Variants in CACNA1C observed in about 807,000 individuals in gnomAD.
CACNA1C encodes voltage-dependent L-type calcium channel subunit alpha-1C.
Under a neutral mutation model 229.0 loss-of-function variants are expected in CACNA1C, and 30 were observed. The ratio of observed to expected loss-of-function variants is 0.13; its 90% CI spans 0.10 to 0.18. CACNA1C has a LOEUF of 0.18. Ranked by LOEUF, CACNA1C falls within the 10% of genes least tolerant of loss-of-function variation. The pLI is 1.00. For missense variants in CACNA1C, 1,658 were observed against 2,845.0 expected (o/e 0.58, Z 9.49); for synonymous variants, 1,114 against 1,132.5 (o/e 0.98, Z 0.33).
intron 3 of CACNA1C, among the ~76,000 whole-genome samples, chr12:2,326,835 A>G (rs2096319762): frequency 6.6e-6 from 1 of 152,202 alleles, no homozygotes; most frequent in Admixed American, 6.5e-5. Context: ...TACCTGAGAG[A>G]CGATCTGGTT....
intron 3 of CACNA1C, among the ~76,000 whole-genome samples, chr12:2,217,135 TAAATA>T (rs959752941): frequency 9.9e-5 from 15 of 152,216 alleles, no homozygotes; most frequent in Non-Finnish European, 1.5e-4. Context: ...AACATTATGC[TAAATA>T]AAATAAGCCA....
intron 1 of CACNA1C, chr12:2,020,197 T>C (rs775667144): frequency 6.6e-4 from 100 of 152,246 alleles, no homozygotes; most frequent in African/African-American, 2.4e-3. Flanking sequence ...CACTGAGGAC[T>C]ACTTATGTGC....
intron 3 of CACNA1C, among the ~76,000 whole-genome samples, chr12:2,444,362 A>G (rs1024135577): frequency 1.3e-5 from 2 of 152,174 alleles, no homozygotes; most frequent in Non-Finnish European, 2.9e-5. Flanking sequence ...TGATTTTAAG[A>G]GAGGTCCTGT....
intron 3 of CACNA1C, among the ~76,000 whole-genome samples, chr12:2,363,577 G>A (rs1024450059): frequency 6.6e-6 from 1 of 152,226 alleles, no homozygotes; most frequent in Admixed American, 6.5e-5. Context: ...CTTCCACAGT[G>A]CCCACCCCAC....
chr12:2,648,733 G>A (rs895585816), intron 31 of CACNA1C, among the ~76,000 whole-genome samples: 2 of 152,186 alleles, frequency 1.3e-5, no homozygotes, highest in African/African-American at 4.8e-5. Flanking sequence ...CCTTGGGGTG[G>A]TAATTCACTG....
intron 5 of CACNA1C, among the ~76,000 whole-genome samples, chr12:2,459,428 G>A (rs985955918): frequency 6.6e-6 from 1 of 152,076 alleles, no homozygotes; most frequent in Non-Finnish European, 1.5e-5. Context: ...ATAAGCAAAG[G>A]GAACTTACTG....
intron 3 of CACNA1C, among the ~76,000 whole-genome samples, chr12:2,384,098 C>G (rs191912494): frequency 1.3e-5 from 2 of 152,354 alleles, no homozygotes; most frequent in Admixed American, 1.3e-4. Flanking sequence ...TCCAGACAAG[C>G]TGCCTTCCTT....
chr12:2,206,229 G>C (rs548850235), intron 3 of CACNA1C, among the ~76,000 whole-genome samples: 1 of 152,304 alleles, frequency 6.6e-6, no homozygotes, highest in East Asian at 1.9e-4. Context: ...CCAGCCCTTG[G>C]AAGGAGATCC....
intron 9 of CACNA1C, 132 bp downstream of exon 9, chr12:2,513,116 C>G: frequency 1.7e-6 from 1 of 596,960 alleles, no homozygotes; most frequent in Non-Finnish European, 2.9e-6. Context: ...CAGCAGTTAT[C>G]TCACTGATGG....
At chr12:2,614,481 G>A (rs2079435524) in intron 29 of CACNA1C, 1 of 152,200 alleles carries the variant, frequency 6.6e-6, no homozygotes, top group Non-Finnish European at 1.5e-5. Context: ...ATAGACTCCA[G>A]GTAAAGCAGC....
intron 3 of CACNA1C, among the ~76,000 whole-genome samples, chr12:2,374,389 G>A (rs1216383649): frequency 2.0e-5 from 3 of 152,218 alleles, no homozygotes; most frequent in African/African-American, 4.8e-5. Context: ...GCCTCCCTAA[G>A]CCCTGCTTAT....
intron 3 of CACNA1C, among the ~76,000 whole-genome samples, chr12:2,434,405 GTC>G (rs369155942): frequency 1.1e-3 from 166 of 152,310 alleles, no homozygotes; most frequent in African/African-American, 3.8e-3. Flanking sequence ...TCCTAAAAGA[GTC>G]TCTGCAACAA....
chr12:2,111,677 C>T (rs2081822940), intron 1 of CACNA1C, among the ~76,000 whole-genome samples: 1 of 152,114 alleles, frequency 6.6e-6, no homozygotes. Flanking sequence ...AGAAGTTAGT[C>T]TGGGAACTAA....
chr12:2,007,271 T>C (rs2043631576), intron 1 of CACNA1C, among the ~76,000 whole-genome samples: 1 of 152,236 alleles, frequency 6.6e-6, no homozygotes. Flanking sequence ...CAGATCATTG[T>C]CCTCATAATT....
At chr12:2,130,213 T>A (rs61909077) in intron 3 of CACNA1C, among the ~76,000 whole-genome samples, 81 of 131,380 alleles carry the variant, frequency 6.2e-4, no homozygotes, top group Non-Finnish European at 1.2e-3. Context: ...TTTTTTTTTT[T>A]AATGCCAAAC....
rs756364065 is a variant in CACNA1C, at chr12:2,674,575, G to T, written c.4761G>T (p.Ala1587=). 3 of 1,573,222 alleles carry T rather than the reference G, an allele frequency of 1.9e-6. No individual in the cohort carries two copies. Among genetic ancestry groups the T allele is most frequent in the African/African-American group, 2.7e-5 (2 of 74,004 alleles). The change falls in exon 39 of 47, where the codon GCG becomes GCT. Residue 1587 remains alanine, a synonymous_variant. Transcript: ENST00000399655. ...NLEQANEELR[A]IIKKIWKRTS... The stretch of plus-strand genomic sequence containing the variant: ...AACAAGCCAATGAGGAGCTGCGGGC[G>T]ATCATCAAGAAGATCTGGAAGCGGA...
intron 1 of CACNA1C, among the ~76,000 whole-genome samples, chr12:2,091,329 C>T (rs902570937): frequency 3.3e-5 from 5 of 152,230 alleles, no homozygotes; most frequent in Admixed American, 1.3e-4. Flanking sequence ...TTTCTTCTTG[C>T]TTCAGTATTA....
At chr12:2,061,471 C>T (rs1200465885) in intron 1 of CACNA1C, among the ~76,000 whole-genome samples, 2 of 152,150 alleles carry the variant, frequency 1.3e-5, no homozygotes, top group Admixed American at 6.5e-5. Flanking sequence ...TGAGATGGGC[C>T]TGGTATTTTG....
At chr12:2,366,649 A>G (rs1335334887) in intron 3 of CACNA1C, among the ~76,000 whole-genome samples, 1 of 152,244 alleles carries the variant, frequency 6.6e-6, no homozygotes, top group Admixed American at 6.5e-5. Flanking sequence ...AAACAAAAGT[A>G]TACTCTATGA....
Sources: allele counts gnomAD v4.1 joint callset (sites outside exome capture counted in the v4.1 genomes callset), GRCh38; gene constraint gnomAD v4.1.1; transcripts MANE v1.5; gene names NCBI Gene and HGNC (gene_info 2026-07-23, HGNC 2026-07-21).